Variants in PTK2B observed in about 807,000 individuals in gnomAD.
PTK2B encodes the protein protein tyrosine kinase 2 beta.
In PTK2B, 71 loss-of-function variants were observed where a neutral mutation model predicts 142.9. That is an observed-to-expected ratio of 0.50 (90% CI 0.41 to 0.61). The LOEUF (loss-of-function observed/expected upper bound fraction) is 0.61. PTK2B is among the 20% of genes least tolerant of loss of function. PTK2B has a pLI of 0.00. For missense variants in PTK2B, 1,105 were observed against 1,320.4 expected, an observed-to-expected ratio of 0.84 and a Z score of 2.53; for synonymous variants, 519 against 503.4, an observed-to-expected ratio of 1.03 and a Z score of -0.42.
intron 2 of PTK2B, among the ~76,000 whole-genome samples, chr8:27,410,367 A>T (rs1048065890): frequency 1.3e-5 from 2 of 152,090 alleles, no homozygotes; most frequent in African/African-American, 4.8e-5. Context: ...GAGCCAGAAG[A>T]GCTGTCCCAA....
chr8:27,310,739 G>A, upstream of PTK2B: 1 of 1,504,334 alleles, frequency 6.6e-7, no homozygotes, highest in Non-Finnish European at 8.9e-7. Context: ...GGGAGCCGCA[G>A]AGCCAAGGGA....
intron 30 of PTK2B, 79 bp downstream of exon 30, chr8:27,454,690 C>T: frequency 6.9e-7 from 1 of 1,439,858 alleles, no homozygotes; most frequent in Non-Finnish European, 9.7e-7. Context: ...CTCATGATGG[C>T]TGCCTGGGCA....
chr8:27,443,708 C>T (rs1811297471), intron 22 of PTK2B, among the ~76,000 whole-genome samples: 1 of 152,240 alleles, frequency 6.6e-6, no homozygotes, highest in African/African-American at 2.4e-5. Context: ...CAGGCTTCAA[C>T]ATGCAAATTG....
chr8:27,337,697 G>T (rs752577343), intron 1 of PTK2B, among the ~76,000 whole-genome samples: 1 of 152,148 alleles, frequency 6.6e-6, no homozygotes, highest in South Asian at 2.1e-4. Flanking sequence ...ACTTCGTTTC[G>T]TTTTGATTGA....
chr8:27,406,823 G>A (rs1315589363), intron 2 of PTK2B, among the ~76,000 whole-genome samples: 1 of 152,148 alleles, frequency 6.6e-6, no homozygotes, highest in Non-Finnish European at 1.5e-5. Flanking sequence ...GTCCCCATGT[G>A]AAAAATAAAA....
intron 1 of PTK2B, among the ~76,000 whole-genome samples, chr8:27,384,747 T>C (rs1408739217): frequency 6.6e-6 from 1 of 152,164 alleles, no homozygotes; most frequent in African/African-American, 2.4e-5. Flanking sequence ...ACCCCCATGG[T>C]CTCCATGCAC....
chr8:27,335,710 C>T (rs1446867710), intron 1 of PTK2B, among the ~76,000 whole-genome samples: 1 of 152,182 alleles, frequency 6.6e-6, no homozygotes, highest in East Asian at 1.9e-4. Flanking sequence ...ACAGGAGCTG[C>T]CCTGAGCCTA....
In PTK2B at chr8:27,397,411, C is replaced by A. The variant is rs113968274; in HGVS notation, c.-37-137C>A. On this transcript the variant is annotated intron_variant, in intron 1 of 30. Transcript: ENST00000346049. ...CCAGTCAAGAGAGCCAGGTGCCTTG[C>A]AGGGGAGCTTTTGGGAATGGGAGAA... is the stretch of plus-strand genomic sequence containing the variant. The A allele has an allele frequency of 2.1e-4, 139 of 672,334 alleles. 2 individuals carry two copies. In the East Asian group the frequency reaches 2.4e-3, roughly 12 times the overall value. 41.6% of individuals were successfully genotyped at this position (672,334 alleles called of 1,614,324 possible).
chr8:27,383,213 G>A (rs1288612327), intron 1 of PTK2B, among the ~76,000 whole-genome samples: 1 of 152,034 alleles, frequency 6.6e-6, no homozygotes, highest in Admixed American at 6.6e-5. Flanking sequence ...TCCATTTTGT[G>A]TGTGTGTCCT....
At chr8:27,423,011 G>T (rs894097890) in intron 5 of PTK2B, among the ~76,000 whole-genome samples, 1 of 152,138 alleles carries the variant, frequency 6.6e-6, no homozygotes, top group Non-Finnish European at 1.5e-5. Flanking sequence ...AGAGAACAGG[G>T]GTCAGGGGAG....
At chr8:27,376,633 G>A (rs181200205) in intron 1 of PTK2B, among the ~76,000 whole-genome samples, 27 of 152,234 alleles carry the variant, frequency 1.8e-4, no homozygotes, top group Admixed American at 2.6e-4. Context: ...TAAAGAAGCC[G>A]GCCAAAACCT....
chr8:27,436,402 A>G, intron 15 of PTK2B, 54 bp downstream of exon 15: 1 of 1,534,900 alleles, frequency 6.5e-7, no homozygotes, highest in Non-Finnish European at 9.0e-7. Flanking sequence ...GTAGGGTGAG[A>G]CAGAGCTCGA....
At chr8:27,367,339 A>G (rs1187766774) in intron 1 of PTK2B, among the ~76,000 whole-genome samples, 1 of 152,118 alleles carries the variant, frequency 6.6e-6, no homozygotes, top group Non-Finnish European at 1.5e-5. Flanking sequence ...TGGGCTGTTG[A>G]ACAAAAAGTC....
At chr8:27,432,714 G>T (rs372691781) in intron 10 of PTK2B, among the ~76,000 whole-genome samples, 40 of 152,000 alleles carry the variant, frequency 2.6e-4, no homozygotes, top group African/African-American at 9.4e-4. Flanking sequence ...GGGTTTTTTT[G>T]TTTGTTTGTT....
chr8:27,427,858 C>A (rs1013434257), intron 5 of PTK2B, among the ~76,000 whole-genome samples: 1 of 152,176 alleles, frequency 6.6e-6, no homozygotes, highest in Non-Finnish European at 1.5e-5. Flanking sequence ...AGGCCCCCAA[C>A]CTTTTGGGCA....
chr8:27,430,328 G>A (rs1485298468), intron 6 of PTK2B, 36 bp from the exon 7 acceptor site: 3 of 1,613,786 alleles, frequency 1.9e-6, no homozygotes, highest in African/African-American at 1.3e-5. Flanking sequence ...GGGGGTGAGG[G>A]GGAGTCACAT....
intron 12 of PTK2B, 34 bp from the exon 13 acceptor site, chr8:27,434,479 G>A (rs1810646627): frequency 6.3e-7 from 1 of 1,596,982 alleles, no homozygotes; most frequent in Admixed American, 1.7e-5. Context: ...CGGCCTCTGA[G>A]CTCACCTGGC....
chr8:27,388,440 G>A (rs1348217549), intron 1 of PTK2B, among the ~76,000 whole-genome samples: 1 of 152,200 alleles, frequency 6.6e-6, no homozygotes, highest in Non-Finnish European at 1.5e-5. Flanking sequence ...GGGAGGAAGG[G>A]GCACATGGTA....
At chr8:27,379,638 C>T (rs1255330169) in intron 1 of PTK2B, among the ~76,000 whole-genome samples, 1 of 152,230 alleles carries the variant, frequency 6.6e-6, no homozygotes, top group Non-Finnish European at 1.5e-5. Flanking sequence ...TCTTCATATT[C>T]CCTTAATTGA....
Sources: allele counts gnomAD v4.1 joint callset (sites outside exome capture counted in the v4.1 genomes callset), GRCh38; gene constraint gnomAD v4.1.1; transcripts MANE v1.5; gene names NCBI Gene and HGNC (gene_info 2026-07-23, HGNC 2026-07-21).